MYOF: variants seen among roughly 807,000 people sequenced by gnomAD.
MYOF encodes myoferlin.
MYOF carries 244 observed loss-of-function variants against 284.2 expected under a neutral mutation model. The ratio of observed to expected loss-of-function variants is 0.86; its 90% CI spans 0.77 to 0.95. The LOEUF (loss-of-function observed/expected upper bound fraction) is 0.95. Ranked by LOEUF, MYOF falls within the 40% of genes least tolerant of loss-of-function variation. The pLI is 0.00. For synonymous variants in MYOF, 904 were observed against 919.7 expected, an observed-to-expected ratio of 0.98 and a Z score of 0.31; for missense variants, 2,496 against 2,560.6, an observed-to-expected ratio of 0.97 and a Z score of 0.54.
At chr10:93,365,259 T>C (rs1845276599) in intron 26 of MYOF, among the ~76,000 whole-genome samples, 1 of 152,198 alleles carries the variant, frequency 6.6e-6, no homozygotes. Flanking sequence ...AAAATTCAAC[T>C]TCACAAGGTT....
In MYOF at chr10:93,431,774, C is replaced by T. The variant is rs1484769098; in HGVS notation, c.237-258G>A. Among the ~76,000 whole-genome samples the T allele has an allele frequency of 9.5e-5, 13 of 136,970 alleles. No individual in the cohort carries two copies. In the Admixed American group the frequency reaches 1.0e-3, roughly 11 times the overall value. 89.9% of individuals were successfully genotyped at this position (136,970 alleles called of 152,430 possible). A position where few individuals can be genotyped will look rare whatever the true frequency, so the allele number is the denominator to read the frequency against. On this transcript the variant is annotated intron_variant, in intron 3 of 53. Transcript: ENST00000359263. ...TTTTTTTTTTTTTTTGAGACAGACT[C>T]TTGCTGTGTCACCCAGGCTGGAGTG...
In MYOF at chr10:93,381,530, C is replaced by G. The variant is rs144090242; in HGVS notation, c.1699-134G>C. 4,009 of 876,804 alleles carry G rather than the reference C, an allele frequency of 4.6e-3. 22 individuals are homozygous for G. The highest frequency in any genetic ancestry group is 0.026 in the Middle Eastern group (105 of 3,968). 54.3% of individuals were successfully genotyped at this position (876,804 alleles called of 1,614,324 possible). A position where few individuals can be genotyped will look rare whatever the true frequency, so the allele number is the denominator to read the frequency against. ...ATGACAGGGGAGAATGTTCTTGGACCCAGCTGTTCCTCTTGCACTCATACA... is the reference window on the plus strand; with the variant it reads ...ATGACAGGGGAGAATGTTCTTGGACGCAGCTGTTCCTCTTGCACTCATACA... On this transcript the variant is annotated intron_variant, in intron 19 of 53. Coordinates refer to ENST00000359263, the MANE Select transcript of MYOF (RefSeq NM_013451.4).
intron 5 of MYOF, among the ~76,000 whole-genome samples, chr10:93,417,014 G>A (rs1848158372): frequency 6.6e-6 from 1 of 152,206 alleles, no homozygotes; most frequent in South Asian, 2.1e-4. Context: ...GAGAGGTTAA[G>A]TGACATGCCT....
In MYOF at chr10:93,323,315, C is replaced by A. The variant is rs1428541107; in HGVS notation, c.5315G>T (p.Gly1772Val). The part of the protein sequence containing the change: ...MWVDVFPKSL[G>V]PPGPPFNITP... ...GATGTTGAAAGGAGGGCCTGGTGGC[C>A]CCAAACTCTTGGGGAAAACATCCAC... The change falls in exon 47 of 54, where the codon GGG (glycine) becomes GTG (valine). Residue 1772 changes from glycine to valine, a missense_variant. Gly to Val is a moderately radical substitution (Grantham distance 109). Coordinates refer to ENST00000359263, the MANE Select transcript of MYOF (RefSeq NM_013451.4). The A allele has an allele frequency of 1.2e-6, 2 of 1,613,924 alleles. No individual in the cohort carries two copies. The highest frequency in any genetic ancestry group is 3.3e-5 in the Admixed American group (2 of 60,010).
intron 1 of MYOF, among the ~76,000 whole-genome samples, chr10:93,470,464 G>T (rs1442695016): frequency 6.6e-6 from 1 of 151,184 alleles, no homozygotes; most frequent in Non-Finnish European, 1.5e-5. Flanking sequence ...GCAGTGGCAC[G>T]ATCTCGGCTC....
Position 93,465,538 on chromosome 10 carries a change from C to CTTTTTTTTTT in MYOF, c.89-8611_89-8602dup, listed in dbSNP as rs71031511. 1.1e-3 allele frequency among the ~76,000 whole-genome samples: 125 copies of CTTTTTTTTTT among 112,150 alleles called. 4 individuals carry two copies. The highest frequency in any genetic ancestry group is 2.1e-3 in the African/African-American group (63 of 29,974). The allele number at this position is 112,150 out of a possible 152,430, so 73.6% of individuals were successfully genotyped here. A position where few individuals can be genotyped will look rare whatever the true frequency, so the allele number is the denominator to read the frequency against. On this transcript the variant is annotated intron_variant, in intron 1 of 53. Coordinates refer to ENST00000359263, the MANE Select transcript of MYOF (RefSeq NM_013451.4). Reference sequence around the variant, plus strand: ...CTTTTTTCTTTCTTTTTTTTCTTTTCTTTTTTTTTTTTTTTGAGATGACTG... The same window carrying CTTTTTTTTTT: ...CTTTTTTCTTTCTTTTTTTTCTTTTCTTTTTTTTTTTTTTTTTTTTTTTTTGAGATGACTG...
In MYOF at chr10:93,333,849, C is replaced by G. The variant is rs201274786; in HGVS notation, c.4628G>C (p.Arg1543Pro). ...PSVPAPPRQF[R>P]ELPDSVPQEC... Reference sequence around the variant, plus strand: ...CTGTGGGACGCTGTCAGGTAATTCCCGAAACTGTCTGGGAGGGGCTGGCAC... The same window carrying G: ...CTGTGGGACGCTGTCAGGTAATTCCGGAAACTGTCTGGGAGGGGCTGGCAC... The change falls in exon 42 of 54, where the codon CGG becomes CCG. Residue 1543 changes from arginine to proline, a missense_variant. By Grantham distance (103) the Arg-to-Pro change is moderately radical. Around this residue, in one of 3 missense-constraint regions of MYOF, gnomAD observed 2,436 missense variants for 2,480.7 expected, o/e 0.98. Coordinates refer to ENST00000359263, the MANE Select transcript of MYOF (RefSeq NM_013451.4). 4.3e-6 allele frequency: 7 copies of G among 1,614,018 alleles called. No individual in the cohort carries two copies. Among genetic ancestry groups the G allele is most frequent in the South Asian group, 3.3e-5 (3 of 91,076 alleles).
chr10:93,429,198 T>A (rs1399795781), intron 4 of MYOF, among the ~76,000 whole-genome samples: 1 of 152,164 alleles, frequency 6.6e-6, no homozygotes, highest in Non-Finnish European at 1.5e-5. Flanking sequence ...GTCTGGCCCC[T>A]TCCCCCTCTT....
chr10:93,433,271 C>T (rs1848955954), intron 3 of MYOF, among the ~76,000 whole-genome samples: 1 of 152,184 alleles, frequency 6.6e-6, no homozygotes, highest in Admixed American at 6.5e-5. Flanking sequence ...AATTCTCCTG[C>T]CTTAGCCCCT....
intron 27 of MYOF, among the ~76,000 whole-genome samples, chr10:93,362,266 GAC>G (rs1845112029): frequency 6.9e-6 from 1 of 145,348 alleles, no homozygotes; most frequent in Admixed American, 7.0e-5. Flanking sequence ...TTTTTTTTGA[GAC>G]AGAGTTTTGC....
chr10:93,377,883 A>C (rs1003535354), intron 21 of MYOF, among the ~76,000 whole-genome samples: 1 of 152,218 alleles, frequency 6.6e-6, no homozygotes, highest in African/African-American at 2.4e-5. Flanking sequence ...GAGGACTAGG[A>C]TAAACCTTGT....
intron 39 of MYOF, among the ~76,000 whole-genome samples, chr10:93,339,227 G>T (rs1262764298): frequency 6.6e-6 from 1 of 152,046 alleles, no homozygotes; most frequent in Non-Finnish European, 1.5e-5. Flanking sequence ...TGGCCAGGCT[G>T]GTCTCGAACT....
At chr10:93,334,561 A>C (rs1045792865) in intron 41 of MYOF, among the ~76,000 whole-genome samples, 5 of 152,164 alleles carry the variant, frequency 3.3e-5, no homozygotes, top group African/African-American at 9.7e-5. Flanking sequence ...CCCTATCTCC[A>C]GGGCCTAACA....
intron 21 of MYOF, among the ~76,000 whole-genome samples, chr10:93,379,443 G>A (rs539910033): frequency 6.6e-6 from 1 of 152,236 alleles, no homozygotes; most frequent in Non-Finnish European, 1.5e-5. Flanking sequence ...TTCCACCTTC[G>A]TTGGAGTCAC....
intron 53 of MYOF, among the ~76,000 whole-genome samples, chr10:93,308,430 C>G (rs1015914318): frequency 2.0e-4 from 29 of 147,486 alleles, no homozygotes; most frequent in Admixed American, 1.8e-3. Flanking sequence ...ACTAAAAATA[C>G]AAAAATTGGC....
chr10:93,412,005 G>A (rs1456679897), intron 5 of MYOF, among the ~76,000 whole-genome samples: 10 of 152,134 alleles, frequency 6.6e-5, no homozygotes, highest in Admixed American at 6.5e-4. Context: ...ACACTCTGTA[G>A]ATCCTCACTT....
chr10:93,336,176 G>T, intron 40 of MYOF, 130 bp from the exon 41 acceptor site: 1 of 1,014,030 alleles, frequency 9.9e-7, no homozygotes, highest in Non-Finnish European at 1.4e-6. Flanking sequence ...TCGCTGGCGG[G>T]AGTGTAGACA....
intron 16 of MYOF, among the ~76,000 whole-genome samples, chr10:93,394,357 C>T (rs1846857974): frequency 6.6e-6 from 1 of 151,512 alleles, no homozygotes; most frequent in Non-Finnish European, 1.5e-5. Flanking sequence ...CCACCTTGGC[C>T]TCCCAAAGTG....
intron 48 of MYOF, 82 bp downstream of exon 48, chr10:93,322,996 G>T: frequency 1.5e-6 from 2 of 1,316,562 alleles, no homozygotes; most frequent in South Asian, 1.2e-5. Flanking sequence ...ATCCTATCTT[G>T]GGCATATTCA....
Sources: gnomAD v4.1 joint callset for allele counts (sites outside exome capture counted in the v4.1 genomes callset) on GRCh38, gnomAD v4.1.1 for gene constraint, gnomAD v4.1.1 regional missense constraint, MANE v1.5 for transcripts, NCBI Gene and HGNC (gene_info 2026-07-23, HGNC 2026-07-21) for gene names.